MRPL18: variants seen among roughly 807,000 people sequenced by gnomAD.
MRPL18 encodes mitochondrial ribosomal protein L18.
In MRPL18, 16 loss-of-function variants were observed where a neutral mutation model predicts 20.9. The observed-to-expected ratio is 0.76, with a 90% CI of 0.52 to 1.16. MRPL18 has a LOEUF of 1.16. MRPL18 is among the 50% of genes most tolerant of loss of function. MRPL18 has a pLI of 0.00. For synonymous variants in MRPL18, 91 were observed against 87.1 expected (o/e 1.04, Z -0.25); for missense variants, 233 against 230.6 (o/e 1.01, Z -0.07).
At chr6:159,791,912 C>A (rs1230261166) in intron 2 of MRPL18, among the ~76,000 whole-genome samples, 8 of 152,138 alleles carry the variant, frequency 5.3e-5, no homozygotes, top group African/African-American at 1.9e-4. Context: ...ATTTTAGCTG[C>A]TTTTTGGAAG....
At chr6:159,796,357 G>A (rs1473338604) in intron 2 of MRPL18, among the ~76,000 whole-genome samples, 2 of 151,640 alleles carry the variant, frequency 1.3e-5, no homozygotes, top group South Asian at 2.1e-4. Flanking sequence ...GCATGCGCCT[G>A]TAGTCCCAGC....
At chr6:159,793,921 AAAAG>A (rs1489313037) in intron 2 of MRPL18, among the ~76,000 whole-genome samples, 1 of 152,122 alleles carries the variant, frequency 6.6e-6, no homozygotes, top group Admixed American at 6.5e-5. Flanking sequence ...CAAAAAAAAA[AAAAG>A]AGATTGTGAT....
Position 159,794,605 on chromosome 6 carries a change from AC to A in MRPL18, c.240-2681del, listed in dbSNP as rs529638903. Among the ~76,000 whole-genome samples, 654 of 152,366 alleles carry A rather than the reference AC, an allele frequency of 4.3e-3. 2 individuals carry two copies. Among genetic ancestry groups the A allele is most frequent in the Non-Finnish European group, 7.5e-3 (507 of 68,036 alleles). ...TAGAGGGTGATTATCTTTTATGATT[AC>A]AGTGTTGCATCGAATTGTCTTGTCC... On this transcript the variant is annotated intron_variant, in intron 2 of 3. Coordinates refer to ENST00000367034, the MANE Select transcript of MRPL18 (RefSeq NM_014161.5).
intron 3 of MRPL18, 65 bp downstream of exon 3, chr6:159,797,583 C>G: frequency 2.1e-6 from 3 of 1,455,346 alleles, no homozygotes; most frequent in African/African-American, 2.8e-5. Flanking sequence ...AGATAACTTA[C>G]ATAATAATAA....
intron 2 of MRPL18, among the ~76,000 whole-genome samples, chr6:159,792,208 C>G (rs983462878): frequency 6.6e-6 from 1 of 152,092 alleles, no homozygotes; most frequent in African/African-American, 2.4e-5. Context: ...AGAGCCAGGA[C>G]GCTAGGTTAT....
intron 2 of MRPL18, among the ~76,000 whole-genome samples, chr6:159,795,934 C>G (rs1319718626): frequency 1.3e-5 from 2 of 152,046 alleles, no homozygotes; most frequent in African/African-American, 4.8e-5. Context: ...CAGGTGCACA[C>G]CATCACGCCT....
upstream of MRPL18, among the ~76,000 whole-genome samples, chr6:159,790,274 G>T (rs980111539): frequency 6.6e-6 from 1 of 152,204 alleles, no homozygotes; most frequent in East Asian, 1.9e-4. Flanking sequence ...ATGGTTTTGT[G>T]GGGTGTGTGC....
At chr6:159,791,163 A>G in intron 2 of MRPL18, 37 bp downstream of exon 2, 1 of 1,608,246 alleles carries the variant, frequency 6.2e-7, no homozygotes, top group East Asian at 2.2e-5. Context: ...AGGGCAGTGC[A>G]CCCTACAGAC....
intron 1 of MRPL18, 62 bp from the exon 2 acceptor site, chr6:159,790,878 G>C (rs1000860197): frequency 1.3e-6 from 2 of 1,584,626 alleles, no homozygotes; most frequent in Admixed American, 3.5e-5. Context: ...ACGTTAGAGC[G>C]GGTTCGTGCG....
chr6:159,794,381 G>A (rs1780981700), intron 2 of MRPL18, among the ~76,000 whole-genome samples: 1 of 152,012 alleles, frequency 6.6e-6, no homozygotes, highest in Non-Finnish European at 1.5e-5. Flanking sequence ...TTCTGTGTTA[G>A]TTTCTGCAGC....
intron 1 of MRPL18, 84 bp downstream of exon 1, chr6:159,790,723 C>A: frequency 6.4e-7 from 1 of 1,559,806 alleles, no homozygotes. Flanking sequence ...ATTTTGTATT[C>A]GACGTGCCGG....
chr6:159,797,480 G>A lies in MRPL18; in HGVS notation c.433G>A (p.Val145Ile). ...RCLEAGINFM[V>I]YQPTPWEAAS... ...CTTAGAGGCGGGAATCAACTTCATG[G>A]TCTACCAACCAACCCCGTGGGAGGC... The change falls in exon 3 of 4, where the codon GTC becomes ATC. Residue 145 changes from valine to isoleucine, a missense_variant. Physicochemically the swap from Val to Ile is conservative, Grantham distance 29. Coordinates refer to ENST00000367034, the MANE Select transcript of MRPL18 (RefSeq NM_014161.5). 1.9e-6 allele frequency: 3 copies of A among 1,614,196 alleles called. No homozygotes were observed. The highest frequency in any genetic ancestry group is 1.3e-5 in the African/African-American group (1 of 75,044).
chr6:159,791,143 G>A lies in MRPL18; in HGVS notation c.239+17G>A. On this transcript the variant is annotated intron_variant, in intron 2 of 3. Transcript: ENST00000367034. ...CTGGCACAGGTAATTAAATCTGCTT[G>A]TGATTGACAAGGGCAGTGCACCCTA... The A allele has an allele frequency of 6.2e-7, 1 of 1,613,912 alleles. No individual in the cohort carries two copies. Among genetic ancestry groups the A allele is most frequent in the South Asian group, 1.1e-5 (1 of 91,050 alleles).
rs777108457 is a variant in MRPL18, at chr6:159,791,034, C to T, written c.147C>T (p.Thr49=). Residue 49 remains threonine (T), a synonymous_variant, in exon 2 of 4, where the codon ACC becomes ACT. Transcript: ENST00000367034. ...ATGAAGCTGTCGCCCCAGAATTCAC[C>T]AACCGGAACCCCCGGAACCTGGAGC... ...VENEAVAPEF[T]NRNPRNLELL... is the part of the protein sequence containing the mutation. 11 of 1,614,080 alleles carry T rather than the reference C, an allele frequency of 6.8e-6. No homozygotes were observed. Among genetic ancestry groups the T allele is most frequent in the Non-Finnish European group, 6.8e-6 (8 of 1,180,046 alleles).
chr6:159,794,657 A>G (rs1435032344), intron 2 of MRPL18, among the ~76,000 whole-genome samples: 1 of 152,196 alleles, frequency 6.6e-6, no homozygotes, highest in African/African-American at 2.4e-5. Flanking sequence ...GAGATTGAGC[A>G]TATTTTTGTG....
chr6:159,793,120 C>T lies in MRPL18; in HGVS notation c.239+1994C>T, dbSNP rs190531669. Among the ~76,000 whole-genome samples, 5 of 152,262 alleles carry T rather than the reference C, an allele frequency of 3.3e-5. No homozygotes were observed. The East Asian group carries it at 9.6e-4, about 29-fold the overall frequency. On this transcript the variant is annotated intron_variant, in intron 2 of 3. Transcript: ENST00000367034. Reference sequence around the variant, plus strand: ...GGGATTACAGACGTGAGCCACTGCACTCGGCCCCAACGCATTACTTTGATT... The same window carrying T: ...GGGATTACAGACGTGAGCCACTGCATTCGGCCCCAACGCATTACTTTGATT...
rs934343798 is a variant in MRPL18, at chr6:159,797,957, C to G, written c.472-95C>G. On this transcript the variant is annotated intron_variant, in intron 3 of 3. Transcript: ENST00000367034. ...GGCTGGGAAGTTAGCAAGAACAAAT[C>G]AATTTATTTCTGTCTTTTGGAAGGT... 8.7e-6 allele frequency: 9 copies of G among 1,034,218 alleles called. No individual in the cohort carries two copies. In the African/African-American group the frequency reaches 1.5e-4, roughly 17 times the overall value. The allele number at this position is 1,034,218 out of a possible 1,614,324, so 64.1% of individuals were successfully genotyped here. A position where few individuals can be genotyped will look rare whatever the true frequency, so the allele number is the denominator to read the frequency against.
At chr6:159,797,996 G>A in intron 3 of MRPL18, 56 bp from the exon 4 acceptor site, 2 of 1,408,182 alleles carry the variant, frequency 1.4e-6, no homozygotes, top group Non-Finnish European at 2.0e-6. Context: ...AGTATTTTCA[G>A]CCTACTCGTG....
At chr6:159,790,176 G>T (rs1350938728), upstream of MRPL18, 2 of 254,196 alleles carry the variant, frequency 7.9e-6, no homozygotes, top group Non-Finnish European at 7.9e-6. Flanking sequence ...ACTGCATCTT[G>T]CCCTGCCTTA....
Sources: gnomAD v4.1 joint callset for allele counts (sites outside exome capture counted in the v4.1 genomes callset) on GRCh38, gnomAD v4.1.1 for gene constraint, MANE v1.5 for transcripts, NCBI Gene and HGNC (gene_info 2026-07-23, HGNC 2026-07-21) for gene names.